The following ANK3 variants were observed in gnomAD, a reference collection of about 807,000 sequenced individuals.
ANK3 encodes the protein ankyrin 3, also known as ankyrin-3.
Under a neutral mutation model 370.9 loss-of-function variants are expected in ANK3, and 57 were observed. The ratio of observed to expected loss-of-function variants is 0.15; its 90% CI spans 0.12 to 0.19. The LOEUF is 0.19. Among genes scored for constraint, ANK3 ranks in the 10% least tolerant of loss-of-function variants. The pLI is 1.00. For synonymous variants in ANK3, 1,929 were observed against 1,946.3 expected (o/e 0.99, Z 0.23); for missense variants, 4,439 against 5,302.1 (o/e 0.84, Z 5.06).
Position 60,270,187 on chromosome 10 carries a change from G to C in ANK3, c.457C>G (p.Leu153Val). Residue 153 changes from leucine (L) to valine (V), a missense_variant, in exon 5 of 44, where the codon CTG becomes GTG. This residue lies in a region of ANK3 where 136 missense variants were observed against 230.5 expected (regional missense o/e 0.59). Transcript: ENST00000280772. ...PLYMAAQENH[L>V]EVVKFLLDNG... ...TCAAGAAGAAACTTGACAACTTCCA[G>C]GTGATTTTCCTGGGCTGCCATATAC... The C allele has an allele frequency of 6.2e-7, 1 of 1,601,942 alleles. No homozygotes were observed. The highest frequency in any genetic ancestry group is 1.1e-5 in the South Asian group (1 of 89,426).
At chr10:60,148,667 TA>T (rs1291330398) in intron 23 of ANK3, among the ~76,000 whole-genome samples, 3 of 152,188 alleles carry the variant, frequency 2.0e-5, no homozygotes, top group Non-Finnish European at 2.9e-5. Context: ...CACTGAAGTC[TA>T]AAGACAGAAT....
rs1177565057 is a variant in ANK3, at chr10:60,085,204, C to T, written c.3798G>A (p.Leu1266=). 1 of 1,613,346 alleles carries T rather than the reference C, an allele frequency of 6.2e-7. No individual in the cohort carries two copies. The highest frequency in any genetic ancestry group is 1.7e-5 in the Admixed American group (1 of 59,870). The change falls in exon 31 of 44, where the codon TTG becomes TTA. Residue 1266 remains leucine, a synonymous_variant. Coordinates refer to ENST00000280772, the MANE Select transcript of ANK3 (RefSeq NM_020987.5). ...AGGAGACACAATCTTTTATAAACGT[C>T]AAAGGAGTTGTTCCTGTGATGTCTT... ...QWEDITGTTP[L]TFIKDCVSFT...
At chr10:60,395,646 CTCTCTT>C (rs1378431611) in intron 2 of ANK3, among the ~76,000 whole-genome samples, 15 of 139,522 alleles carry the variant, frequency 1.1e-4, no homozygotes, top group Middle Eastern at 3.5e-3. Context: ...CTCTCTCTCT[CTCTCTT>C]TCTTTCTTTC....
chr10:60,370,142 T>C (rs2059913730), intron 1 of ANK3, among the ~76,000 whole-genome samples: 1 of 152,184 alleles, frequency 6.6e-6, no homozygotes, highest in Non-Finnish European at 1.5e-5. Context: ...TTCAGACAAG[T>C]GAAACCTAGT....
At chr10:60,435,876 G>A (rs1225466379) in intron 2 of ANK3, among the ~76,000 whole-genome samples, 1 of 152,206 alleles carries the variant, frequency 6.6e-6, no homozygotes, top group Non-Finnish European at 1.5e-5. Context: ...GAGGCGGGCG[G>A]ATCACGAGGT....
intron 1 of ANK3, among the ~76,000 whole-genome samples, chr10:60,680,339 C>A (rs1487508309): frequency 2.0e-5 from 3 of 152,192 alleles, no homozygotes; most frequent in Non-Finnish European, 4.4e-5. Flanking sequence ...AGGCCAGGGA[C>A]AATGCAGTGA....
At chr10:60,326,619 C>G (rs2049934086) in intron 1 of ANK3, among the ~76,000 whole-genome samples, 1 of 152,132 alleles carries the variant, frequency 6.6e-6, no homozygotes, top group African/African-American at 2.4e-5. Flanking sequence ...CACCTGTTCT[C>G]TAAATGATCA....
chr10:60,104,357 C>CAAAAAAAAAAAAAAAAAA (rs747064489), intron 28 of ANK3, among the ~76,000 whole-genome samples: 3 of 53,726 alleles, frequency 5.6e-5, no homozygotes, highest in African/African-American at 6.7e-5. Context: ...GACTCCATCT[C>CAAAAAAAAAAAAAAAAAA]AAAAAAAAAA....
chr10:60,343,818 G>A (rs963626304), intron 1 of ANK3, among the ~76,000 whole-genome samples: 21 of 152,198 alleles, frequency 1.4e-4, no homozygotes, highest in Admixed American at 1.4e-3. Flanking sequence ...GAGGGCTTGT[G>A]GAAACACTGC....
At chr10:60,280,983 G>A (rs924474212) in intron 1 of ANK3, among the ~76,000 whole-genome samples, 4 of 152,166 alleles carry the variant, frequency 2.6e-5, no homozygotes, top group Non-Finnish European at 4.4e-5. Context: ...AGCAGAGGAG[G>A]CAGATTAAGG....
chr10:60,270,793 T>C (rs1024629730), intron 4 of ANK3, among the ~76,000 whole-genome samples: 26 of 152,208 alleles, frequency 1.7e-4, no homozygotes, highest in African/African-American at 6.0e-4. Flanking sequence ...AGATGTGGTC[T>C]TTAAGAGCAA....
chr10:60,730,377 C>T (rs1414059036), intron 1 of ANK3, among the ~76,000 whole-genome samples: 2 of 152,056 alleles, frequency 1.3e-5, no homozygotes, highest in Admixed American at 6.6e-5. Flanking sequence ...GGGCTGGTCT[C>T]GAACTCCTGG....
intron 9 of ANK3, among the ~76,000 whole-genome samples, chr10:60,211,892 CAAAAAAAAAAAA>C (rs72238553): frequency 6.4e-5 from 6 of 93,390 alleles, no homozygotes; most frequent in South Asian, 3.7e-4. Flanking sequence ...AATACAGAGC[CAAAAAAAAAAAA>C]AAAAAAAAAG....
chr10:60,561,625 A>C (rs1467079647), intron 2 of ANK3, among the ~76,000 whole-genome samples: 1 of 152,234 alleles, frequency 6.6e-6, no homozygotes, highest in Non-Finnish European at 1.5e-5. Context: ...TGGGAAGAAA[A>C]AATAAAATAA....
At chr10:60,044,237 A>G (rs532924779) in intron 42 of ANK3, 4 of 984,802 alleles carry the variant, frequency 4.1e-6, no homozygotes, top group East Asian at 2.3e-4. Context: ...AAATTCCAAG[A>G]GAAGCATGAA....
intron 11 of ANK3, among the ~76,000 whole-genome samples, chr10:60,204,446 G>A (rs942157726): frequency 6.6e-6 from 1 of 152,092 alleles, no homozygotes; most frequent in Non-Finnish European, 1.5e-5. Context: ...AAAATAACAG[G>A]TTGCCTAATA....
intron 1 of ANK3, among the ~76,000 whole-genome samples, chr10:60,345,516 T>C (rs1359141597): frequency 1.3e-5 from 2 of 152,184 alleles, no homozygotes; most frequent in African/African-American, 4.8e-5. Flanking sequence ...GAAAGTTTTA[T>C]GGCTTTTAAC....
Position 60,455,250 on chromosome 10 carries a change from GATA to G in ANK3, c.96+159933_96+159935del, listed in dbSNP as rs571851173. On this transcript the variant is annotated intron_variant, in intron 2 of 43. Transcript: ENST00000373827. ...CCCAAATTTCAAACTAGGCATTATAGATAATAATATTTGTCTCAGCGCTGCATG... is the reference window on the plus strand; with the variant it reads ...CCCAAATTTCAAACTAGGCATTATAGATAATATTTGTCTCAGCGCTGCATG... 2.6e-4 allele frequency among the ~76,000 whole-genome samples: 40 copies of G among 152,264 alleles called. No homozygotes were observed. The South Asian group carries it at 7.3e-3, about 28-fold the overall frequency.
At chr10:60,141,561 G>GTTTTTTGTTTTTTTTTTTT (rs2094558144) in intron 23 of ANK3, among the ~76,000 whole-genome samples, 2 of 49,044 alleles carry the variant, frequency 4.1e-5, no homozygotes, top group African/African-American at 1.9e-4. Flanking sequence ...TTCAATTGCT[G>GTTTTTTGTTTTTTTTTTTT]TTTTTTTTTT....
Sources: gnomAD v4.1 joint callset for allele counts (sites outside exome capture counted in the v4.1 genomes callset) on GRCh38, gnomAD v4.1.1 for gene constraint, gnomAD v4.1.1 regional missense constraint, MANE v1.5 for transcripts, NCBI Gene and HGNC (gene_info 2026-07-23, HGNC 2026-07-21) for gene names.